The following NAV2 variants were observed in gnomAD, a reference collection of about 807,000 sequenced individuals.
The protein encoded by NAV2 is neuron navigator 2.
NAV2 carries 54 observed loss-of-function variants against 223.2 expected under a neutral mutation model. The ratio of observed to expected loss-of-function variants is 0.24; its 90% CI spans 0.19 to 0.30. The LOEUF (loss-of-function observed/expected upper bound fraction) is 0.30, where lower values mean the gene tolerates loss of function less well. Among genes scored for constraint, NAV2 ranks in the 10% least tolerant of loss-of-function variants. The pLI is 1.00. For missense variants in NAV2, 2,806 were observed against 3,147.5 expected, an observed-to-expected ratio of 0.89 and a Z score of 2.60; for synonymous variants, 1,279 against 1,239.3, an observed-to-expected ratio of 1.03 and a Z score of -0.67.
chr11:19,937,023 A>C (rs1011352065), intron 7 of NAV2, among the ~76,000 whole-genome samples: 5 of 152,130 alleles, frequency 3.3e-5, no homozygotes, highest in African/African-American at 1.2e-4. Context: ...CTGTAGTCCC[A>C]ACTACTCCGG....
In NAV2 at chr11:20,000,694, G is replaced by T. The variant is rs550251650; in HGVS notation, c.2768+16447G>T. On this transcript the variant is annotated intron_variant, in intron 11 of 37. Coordinates refer to ENST00000349880, the MANE Select transcript of NAV2 (RefSeq NM_145117.5). ...TCCCTGCAGGAAGTCAGCTAGGGAG[G>T]CTTCTGTACACAAGCAGCACTTGTC... Among the ~76,000 whole-genome samples the T allele has an allele frequency of 1.2e-4, 19 of 152,288 alleles. No homozygotes were observed. In the South Asian group the frequency reaches 3.7e-3, roughly 30 times the overall value.
intron 2 of NAV2, among the ~76,000 whole-genome samples, chr11:19,840,703 A>G (rs2060466038): frequency 6.6e-6 from 1 of 152,204 alleles, no homozygotes; most frequent in Non-Finnish European, 1.5e-5. Flanking sequence ...ACTTTAGTAT[A>G]TACATCTGTA....
At chr11:19,638,450 G>A (rs928316552) in intron 1 of NAV2, among the ~76,000 whole-genome samples, 1 of 152,184 alleles carries the variant, frequency 6.6e-6, no homozygotes, top group African/African-American at 2.4e-5. Context: ...TGAGTTGCAA[G>A]CCTCATTTTG....
chr11:20,072,404 C>A (rs952655674), intron 22 of NAV2, among the ~76,000 whole-genome samples: 27 of 152,116 alleles, frequency 1.8e-4, no homozygotes, highest in Non-Finnish European at 3.5e-4. Flanking sequence ...TTAAGATTGT[C>A]TTGGCTAGGC....
At chr11:19,927,776 C>G (rs189768501) in intron 6 of NAV2, among the ~76,000 whole-genome samples, 2 of 152,238 alleles carry the variant, frequency 1.3e-5, no homozygotes, top group Admixed American at 6.5e-5. Flanking sequence ...TAGCATATAT[C>G]AGAGTTTATT....
At chr11:19,917,744 C>T (rs2153225650) in intron 6 of NAV2, among the ~76,000 whole-genome samples, 1 of 152,320 alleles carries the variant, frequency 6.6e-6, no homozygotes, top group African/African-American at 2.4e-5. Context: ...TCCCATGTAG[C>T]TGGGATTACA....
At chr11:19,802,609 C>T (rs1354856377) in intron 1 of NAV2, among the ~76,000 whole-genome samples, 1 of 151,188 alleles carries the variant, frequency 6.6e-6, no homozygotes, top group Non-Finnish European at 1.5e-5. Context: ...TAGTACATCA[C>T]CAAGGCAGGA....
intron 6 of NAV2, among the ~76,000 whole-genome samples, chr11:19,932,236 C>CAAAAA (rs398015484): frequency 0.016 from 1,220 of 77,624 alleles, no homozygotes; most frequent in Non-Finnish European, 0.018. Context: ...CACTCTTAAG[C>CAAAAA]AAAAAAAAAA....
rs2249496 is a variant in NAV2 at position 19,998,346 on chromosome 11, G to A, written c.2768+14099G>A. Among the ~76,000 whole-genome samples the A allele has an allele frequency of 0.94, 142,964 of 151,898 alleles. 67,859 individuals carry two copies. The highest frequency in any genetic ancestry group is 1 in the East Asian group (5,110 of 5,110). ...CCATGGTGCAGGGGTCTAGGCTGCC[G>A]TCCTCTCTCATCTGAGCTCTCCCAC... is the stretch of plus-strand genomic sequence containing the variant. On this transcript the variant is annotated intron_variant, in intron 11 of 37. Coordinates refer to ENST00000349880, the MANE Select transcript of NAV2 (RefSeq NM_145117.5). This position sits in a 1 kb window ranked among gnomAD's most constrained non-coding sequence, Gnocchi z 5.0.
intron 1 of NAV2, among the ~76,000 whole-genome samples, chr11:19,643,498 C>T (rs1346167121): frequency 6.6e-6 from 1 of 152,116 alleles, no homozygotes; most frequent in African/African-American, 2.4e-5. Context: ...ATGAACTCAT[C>T]CTTTTTTATG....
chr11:19,388,772 T>G (rs1849138926), intron 1 of NAV2, among the ~76,000 whole-genome samples: 1 of 152,184 alleles, frequency 6.6e-6, no homozygotes, highest in Admixed American at 6.5e-5. Context: ...TAGCCATAGT[T>G]TATTGAACAC....
chr11:19,853,508 T>C (rs548501558), intron 3 of NAV2, among the ~76,000 whole-genome samples: 2 of 152,082 alleles, frequency 1.3e-5, no homozygotes, highest in East Asian at 3.9e-4. Context: ...ATCTTTTTTT[T>C]GTGTGACTTT....
At chr11:20,103,552 G>A (rs1402641650) in intron 33 of NAV2, 101 bp from the exon 34 acceptor site, 8 of 1,500,004 alleles carry the variant, frequency 5.3e-6, no homozygotes, top group African/African-American at 1.4e-5. Context: ...GCAGCCAGCT[G>A]TCCACTGGCC....
intron 1 of NAV2, among the ~76,000 whole-genome samples, chr11:19,770,582 G>A (rs2055638830): frequency 6.6e-6 from 1 of 152,164 alleles, no homozygotes; most frequent in African/African-American, 2.4e-5. Context: ...GGCAACCCTT[G>A]GATTCATGGG....
rs2043337392 is a variant in NAV2, at chr11:19,911,786, A to G, written c.931+19192A>G. Reference sequence around the variant, plus strand: ...GCGGAAAGACTCCAAACTTCTGTCCAAGGAGCTTTGCTAATAACTTGGTTG... The same window carrying G: ...GCGGAAAGACTCCAAACTTCTGTCCGAGGAGCTTTGCTAATAACTTGGTTG... On this transcript the variant is annotated intron_variant, in intron 6 of 37. Transcript: ENST00000349880. Among the ~76,000 whole-genome samples, 3 of 152,334 alleles carry G rather than the reference A, an allele frequency of 2.0e-5. No homozygotes were observed. The South Asian group carries it at 6.2e-4, about 32-fold the overall frequency.
At chr11:19,689,019 A>C (rs886962848) in intron 1 of NAV2, among the ~76,000 whole-genome samples, 7 of 152,202 alleles carry the variant, frequency 4.6e-5, no homozygotes, top group African/African-American at 1.7e-4. Context: ...GGCTGAAAGT[A>C]ACTCAGTATA....
At chr11:20,021,140 TC>T (rs2054473363) in intron 11 of NAV2, among the ~76,000 whole-genome samples, 1 of 152,232 alleles carries the variant, frequency 6.6e-6, no homozygotes, top group Non-Finnish European at 1.5e-5. Context: ...TACGTTGTTC[TC>T]CCGAGCATTT....
intron 1 of NAV2, among the ~76,000 whole-genome samples, chr11:19,823,268 C>T (rs749416409): frequency 1.4e-4 from 22 of 152,206 alleles, no homozygotes; most frequent in Middle Eastern, 3.4e-3. Flanking sequence ...AGTGCAATGG[C>T]GTGTTCTTGG....
In NAV2 at chr11:19,663,666, C is replaced by T. The variant is rs114735407; in HGVS notation, c.76-168818C>T. On this transcript the variant is annotated intron_variant, in intron 1 of 37. Coordinates refer to the NAV2 transcript ENST00000360655. ...TCCTCCTTCCTTCTTCATTTTATCT[C>T]CTTCCTTTCAGATGAACATAGAAAC... Among the ~76,000 whole-genome samples the T allele has an allele frequency of 1.7e-3, 262 of 152,294 alleles. 1 individual carries two copies. The highest frequency in any genetic ancestry group is 6.1e-3 in the African/African-American group (253 of 41,556).
Sources: gnomAD v4.1 joint callset for allele counts (sites outside exome capture counted in the v4.1 genomes callset) on GRCh38, gnomAD v4.1.1 for gene constraint, Gnocchi (gnomAD v3.1) non-coding constraint, MANE v1.5 for transcripts, NCBI Gene and HGNC (gene_info 2026-07-23, HGNC 2026-07-21) for gene names.